The following TSPAN14 variants were observed in gnomAD, a reference collection of about 807,000 sequenced individuals.
TSPAN14 encodes tetraspanin-14.
A neutral mutation model predicts 36.6 loss-of-function variants in TSPAN14; 16 were observed. The ratio of observed to expected loss-of-function variants is 0.44; its 90% CI spans 0.30 to 0.66. The LOEUF is 0.66. Among genes scored for constraint, TSPAN14 ranks in the 30% least tolerant of loss-of-function variants. The pLI, the probability that TSPAN14 is intolerant of heterozygous loss-of-function variation, is 0.12. For synonymous variants in TSPAN14, 139 were observed against 143.8 expected, an observed-to-expected ratio of 0.97 and a Z score of 0.24; for missense variants, 231 against 355.1, an observed-to-expected ratio of 0.65 and a Z score of 2.81.
intron 1 of TSPAN14, among the ~76,000 whole-genome samples, chr10:80,455,566 G>A (rs544417607): frequency 1.8e-4 from 27 of 152,216 alleles, no homozygotes; most frequent in African/African-American, 6.3e-4. Flanking sequence ...AGCAGTTAGT[G>A]CCTGCTGAGT....
chr10:80,454,584 C>T (rs1467989787), intron 1 of TSPAN14, among the ~76,000 whole-genome samples: 1 of 151,888 alleles, frequency 6.6e-6, no homozygotes, highest in Non-Finnish European at 1.5e-5. Flanking sequence ...AGGCCTCCGC[C>T]GGGACCCCGC....
At chr10:80,495,335 C>CTG (rs3041272) in intron 2 of TSPAN14, among the ~76,000 whole-genome samples, 3,273 of 135,604 alleles carry the variant, frequency 0.024, 54 homozygotes, top group Non-Finnish European at 0.033. Context: ...TCTTTTGGCA[C>CTG]TGTGTGTGTG....
intron 2 of TSPAN14, 135 bp from the exon 3 acceptor site, chr10:80,504,593 C>T (rs556488331): frequency 1.4e-5 from 13 of 951,116 alleles, no homozygotes; most frequent in South Asian, 3.0e-5. Context: ...CTGTCATCTG[C>T]GGGGCCTGAG....
chr10:80,489,222 G>A (rs372755141), exon 2 of TSPAN14: 42 of 1,570,422 alleles, frequency 2.7e-5, no homozygotes, highest in Middle Eastern at 1.7e-4. Context: ...CGCAGATTCT[G>A]CTTCTCAGAA....
chr10:80,504,816 G>A lies in TSPAN14; in HGVS notation c.132+38G>A, dbSNP rs1840197467. 3 of 1,612,342 alleles carry A rather than the reference G, an allele frequency of 1.9e-6. No individual in the cohort carries two copies. The South Asian group carries it at 3.3e-5, about 18-fold the overall frequency. On this transcript the variant is annotated intron_variant, in intron 3 of 8. Transcript: ENST00000429989. ...GTCGCAGGACACTGAGCTTCAGGCA[G>A]CCAAAACCAGATTCGTTGGACTTCA... is the stretch of plus-strand genomic sequence containing the variant.
chr10:80,467,092 T>C (rs1344213352), intron 1 of TSPAN14, among the ~76,000 whole-genome samples: 1 of 152,206 alleles, frequency 6.6e-6, no homozygotes, highest in Admixed American at 6.5e-5. Context: ...TTCAGTCCTC[T>C]TTATATTTCG....
intron 2 of TSPAN14, among the ~76,000 whole-genome samples, chr10:80,489,768 G>A (rs889058459): frequency 6.6e-6 from 1 of 152,242 alleles, no homozygotes; most frequent in African/African-American, 2.4e-5. Context: ...TTAGCCTCCT[G>A]AGCAACAGGA....
intron 1 of TSPAN14, among the ~76,000 whole-genome samples, chr10:80,456,558 C>T (rs528441796): frequency 6.6e-6 from 1 of 152,324 alleles, no homozygotes; most frequent in African/African-American, 2.4e-5. Context: ...CTCTATGCCA[C>T]CATGTGCTCA....
At chr10:80,502,438 C>G (rs1358171644) in intron 2 of TSPAN14, among the ~76,000 whole-genome samples, 1 of 152,112 alleles carries the variant, frequency 6.6e-6, no homozygotes, top group African/African-American at 2.4e-5. Flanking sequence ...GATCCAGACT[C>G]GAGTGGGTGG....
chr10:80,459,773 C>T (rs538594756), intron 1 of TSPAN14, among the ~76,000 whole-genome samples: 111 of 152,160 alleles, frequency 7.3e-4, no homozygotes, highest in Admixed American at 1.1e-3. Flanking sequence ...GGGCCTCTCC[C>T]GAATCTCTTG....
chr10:80,464,579 G>C (rs1165701634), intron 1 of TSPAN14, among the ~76,000 whole-genome samples: 2 of 152,170 alleles, frequency 1.3e-5, no homozygotes. Flanking sequence ...ACCCTGACCT[G>C]GTGGGTTTGA....
intron 1 of TSPAN14, among the ~76,000 whole-genome samples, chr10:80,471,088 T>C (rs975074785): frequency 2.0e-5 from 3 of 152,136 alleles, no homozygotes; most frequent in African/African-American, 7.2e-5. Flanking sequence ...TCCTTCTCTC[T>C]GCCCTCCAGC....
intron 5 of TSPAN14, among the ~76,000 whole-genome samples, chr10:80,510,799 G>A (rs776703688): frequency 2.0e-5 from 3 of 152,120 alleles, no homozygotes; most frequent in African/African-American, 4.8e-5. Flanking sequence ...GTGTGAACCC[G>A]GGAGGCGGAA....
intron 1 of TSPAN14, among the ~76,000 whole-genome samples, chr10:80,460,580 G>A (rs1845919851): frequency 6.6e-6 from 1 of 152,104 alleles, no homozygotes; most frequent in Non-Finnish European, 1.5e-5. Context: ...CCTGAGCTTG[G>A]GCCAGTGTAA....
chr10:80,485,652 G>C, intron 1 of TSPAN14: 3 of 985,428 alleles, frequency 3.0e-6, no homozygotes, highest in Non-Finnish European at 3.6e-6. Flanking sequence ...AGAGGGTCAG[G>C]ACCTGCTTTC....
chr10:80,487,901 G>A (rs1056560050), intron 1 of TSPAN14, among the ~76,000 whole-genome samples: 2 of 152,150 alleles, frequency 1.3e-5, no homozygotes, highest in Non-Finnish European at 2.9e-5. Context: ...GCGGTCACAG[G>A]TTCCGTTTCC....
chr10:80,479,970 GAGC>G (rs2131991326), intron 1 of TSPAN14, among the ~76,000 whole-genome samples: 1 of 140,482 alleles, frequency 7.1e-6, no homozygotes, highest in African/African-American at 2.7e-5. Flanking sequence ...TTATTTCATT[GAGC>G]AGTGGTTTGT....
intron 2 of TSPAN14, among the ~76,000 whole-genome samples, chr10:80,495,410 T>C (rs1361699543): frequency 6.6e-6 from 1 of 150,930 alleles, no homozygotes; most frequent in African/African-American, 2.4e-5. Context: ...CATTTAGGCT[T>C]GCCAAGGCAG....
intron 1 of TSPAN14, among the ~76,000 whole-genome samples, chr10:80,471,694 C>T (rs970124963): frequency 4.6e-5 from 7 of 152,082 alleles, no homozygotes; most frequent in African/African-American, 1.7e-4. Flanking sequence ...TAGGTTGGGA[C>T]ATCAACTTGG....
Sources: gnomAD v4.1 joint callset for allele counts (sites outside exome capture counted in the v4.1 genomes callset) on GRCh38, gnomAD v4.1.1 for gene constraint, MANE v1.5 for transcripts, NCBI Gene and HGNC (gene_info 2026-07-23, HGNC 2026-07-21) for gene names.